The following RFX4 variants were observed in gnomAD, a reference collection of about 807,000 sequenced individuals.
RFX4 encodes the protein transcription factor RFX4.
RFX4 carries 10 observed loss-of-function variants against 95.0 expected under a neutral mutation model. That is an observed-to-expected ratio of 0.11 (90% CI 0.06 to 0.18). The LOEUF (loss-of-function observed/expected upper bound fraction) is 0.18, where lower values mean the gene tolerates loss of function less well. Ranked by LOEUF, RFX4 falls within the 10% of genes least tolerant of loss-of-function variation. The pLI is 1.00. For missense variants in RFX4, 640 were observed against 922.0 expected (o/e 0.69, Z 3.96); for synonymous variants, 321 against 340.7 (o/e 0.94, Z 0.64).
intron 13 of RFX4, among the ~76,000 whole-genome samples, chr12:106,727,154 A>G (rs2042515973): frequency 6.6e-6 from 1 of 152,224 alleles, no homozygotes. Flanking sequence ...TTTTAAATCA[A>G]TATTAGACTA....
intron 7 of RFX4, among the ~76,000 whole-genome samples, chr12:106,690,761 G>A (rs956043997): frequency 3.9e-5 from 6 of 152,100 alleles, no homozygotes; most frequent in South Asian, 2.1e-4. Flanking sequence ...CTGGTCCCAC[G>A]GCCCCACCTT....
At chr12:106,669,529 C>A (rs565530982) in intron 4 of RFX4, among the ~76,000 whole-genome samples, 39 of 152,186 alleles carry the variant, frequency 2.6e-4, no homozygotes, top group African/African-American at 8.9e-4. Flanking sequence ...TTGGAGAGAA[C>A]AGAGACTTCC....
intron 2 of RFX4, among the ~76,000 whole-genome samples, chr12:106,610,651 T>C (rs2039941886): frequency 6.6e-6 from 1 of 152,244 alleles, no homozygotes; most frequent in Admixed American, 6.5e-5. Context: ...ATTTTCTTCT[T>C]TTTGAAGGCC....
intron 1 of RFX4, among the ~76,000 whole-genome samples, chr12:106,604,888 G>T (rs1351815875): frequency 1.3e-5 from 2 of 152,156 alleles, no homozygotes; most frequent in African/African-American, 4.8e-5. Context: ...ATTGTTCTGG[G>T]GACTAAACAG....
At chr12:106,646,060 G>A in intron 3 of RFX4, 1 of 752,952 alleles carries the variant, frequency 1.3e-6, no homozygotes, top group South Asian at 1.5e-5. Flanking sequence ...GTGTCAAATG[G>A]TAAAGCCATT....
chr12:106,590,762 T>C (rs991212544), intron 1 of RFX4, among the ~76,000 whole-genome samples: 5 of 152,050 alleles, frequency 3.3e-5, no homozygotes, highest in African/African-American at 4.8e-5. Flanking sequence ...CTGGGCAACA[T>C]AGTGACACTC....
chr12:106,739,920 G>A (rs1320741902), intron 15 of RFX4, among the ~76,000 whole-genome samples: 1 of 152,176 alleles, frequency 6.6e-6, no homozygotes, highest in Admixed American at 6.5e-5. Context: ...AAACTGATCA[G>A]TCTATTTAAC....
intron 5 of RFX4, chr12:106,682,741 C>G (rs1408098318): frequency 2.0e-5 from 3 of 152,348 alleles, no homozygotes; most frequent in African/African-American, 7.2e-5. Context: ...GAGGAGGTTA[C>G]ATTTAAGTAA....
At position 106,632,394 on chromosome 12, in the gene RFX4, A is replaced by G. The variant is rs141487604; in HGVS notation, c.131-6938A>G. On this transcript the variant is annotated intron_variant, in intron 2 of 17. Transcript: ENST00000392842. ...AGGAATCCTGCTGGCCTAAAATGAT[A>G]CTTTACAGGATGAATCTTGTTTGGT... Among the ~76,000 whole-genome samples, 4 of 152,150 alleles carry G rather than the reference A, an allele frequency of 2.6e-5. No homozygotes were observed. In the East Asian group the frequency reaches 5.8e-4, roughly 22 times the overall value.
rs533576888 is a variant in RFX4, at chr12:106,591,337, G to A, written c.43+7974G>A. The stretch of plus-strand genomic sequence containing the variant: ...GGCTGGAGTGCAATGGCTCAATCTC[G>A]GCTCACTGCAACCTCTGCCTCCCAG... On this transcript the variant is annotated intron_variant, in intron 1 of 17. Transcript: ENST00000392842. 4.1e-3 allele frequency among the ~76,000 whole-genome samples: 561 copies of A among 135,454 alleles called. 3 individuals are homozygous for A. The highest frequency in any genetic ancestry group is 0.014 in the African/African-American group (512 of 35,830). 88.9% of individuals were successfully genotyped at this position (135,454 alleles called of 152,430 possible). A position where few individuals can be genotyped will look rare whatever the true frequency, so the allele number is the denominator to read the frequency against.
At chr12:106,609,870 C>T (rs2039921419) in intron 2 of RFX4, among the ~76,000 whole-genome samples, 1 of 152,094 alleles carries the variant, frequency 6.6e-6, no homozygotes, top group Non-Finnish European at 1.5e-5. Flanking sequence ...CCTGACTTAT[C>T]ACTATAGCCC....
chr12:106,681,495 G>A (rs1018252366), intron 4 of RFX4, among the ~76,000 whole-genome samples: 1 of 152,162 alleles, frequency 6.6e-6, no homozygotes, highest in African/African-American at 2.4e-5. Flanking sequence ...TCCACTCCTG[G>A]GTGCAGTACA....
chr12:106,676,630 G>A (rs865870234), intron 4 of RFX4, among the ~76,000 whole-genome samples: 4 of 152,094 alleles, frequency 2.6e-5, no homozygotes, highest in Admixed American at 6.5e-5. Flanking sequence ...GAGGAGACAC[G>A]GGGCTGTCTG....
At chr12:106,601,361 C>T (rs1473301332) in intron 1 of RFX4, 2 of 1,570,370 alleles carry the variant, frequency 1.3e-6, no homozygotes, top group South Asian at 2.3e-5. Context: ...TGACCAGGGC[C>T]CAGGGACAGG....
intron 2 of RFX4, among the ~76,000 whole-genome samples, chr12:106,635,829 T>A (rs1281366026): frequency 6.6e-6 from 1 of 152,184 alleles, no homozygotes; most frequent in Non-Finnish European, 1.5e-5. Flanking sequence ...AAATTGTCAT[T>A]ATTTAAATTT....
chr12:106,762,781 T>G lies in RFX4; in HGVS notation c.*1312T>G, dbSNP rs1005248279. On this transcript the variant is annotated 3_prime_UTR_variant, in exon 18 of 18. Coordinates refer to ENST00000392842, the MANE Select transcript of RFX4 (RefSeq NM_213594.3). Reference sequence around the variant, plus strand: ...GTGCAAGATATGAATGGTTTCACACTCAAATAAAAAATATTGAAACGACCT... The same window carrying G: ...GTGCAAGATATGAATGGTTTCACACGCAAATAAAAAATATTGAAACGACCT... 2 of 133,372 alleles carry G rather than the reference T, an allele frequency of 1.5e-5. No homozygotes were observed. Among genetic ancestry groups the G allele is most frequent in the East Asian group, 5.0e-4 (2 of 4,002 alleles). 8.3% of individuals were successfully genotyped at this position (133,372 alleles called of 1,614,324 possible). A position where few individuals can be genotyped will look rare whatever the true frequency, so the allele number is the denominator to read the frequency against.
chr12:106,699,487 G>A (rs2041945688), intron 8 of RFX4, among the ~76,000 whole-genome samples: 1 of 152,006 alleles, frequency 6.6e-6, no homozygotes, highest in African/African-American at 2.4e-5. Context: ...CTATTGATTA[G>A]CAATAGAGAA....
At chr12:106,643,851 C>T (rs951193436) in intron 3 of RFX4, among the ~76,000 whole-genome samples, 1 of 152,172 alleles carries the variant, frequency 6.6e-6, no homozygotes, top group Non-Finnish European at 1.5e-5. Context: ...CAGTCCATTT[C>T]TCCTTGTAGT....
intron 5 of RFX4, 121 bp downstream of exon 5, chr12:106,682,175 G>T: frequency 3.0e-6 from 3 of 1,016,080 alleles, no homozygotes; most frequent in Admixed American, 1.9e-5. Flanking sequence ...TGTGCCTAGA[G>T]GGAATATGGA....
Sources: gnomAD v4.1 joint callset for allele counts (sites outside exome capture counted in the v4.1 genomes callset) on GRCh38, gnomAD v4.1.1 for gene constraint, MANE v1.5 for transcripts, NCBI Gene and HGNC (gene_info 2026-07-23, HGNC 2026-07-21) for gene names.